The following CDKAL1 variants were observed in gnomAD, a reference collection of about 807,000 sequenced individuals.
CDKAL1 encodes threonylcarbamoyladenosine tRNA methylthiotransferase.
CDKAL1 carries 32 observed loss-of-function variants against 68.2 expected under a neutral mutation model. That is an observed-to-expected ratio of 0.47 (90% CI 0.35 to 0.63). The LOEUF is 0.63. CDKAL1 is among the 30% of genes least tolerant of loss of function. CDKAL1 has a pLI of 0.00. For missense variants in CDKAL1, 606 were observed against 696.7 expected, an observed-to-expected ratio of 0.87 and a Z score of 1.47; for synonymous variants, 234 against 244.3, an observed-to-expected ratio of 0.96 and a Z score of 0.39.
intron 13 of CDKAL1, among the ~76,000 whole-genome samples, chr6:21,131,449 C>T (rs898123328): frequency 5.3e-5 from 8 of 152,254 alleles, no homozygotes; most frequent in Non-Finnish European, 5.9e-5. Flanking sequence ...GCCATTTTGG[C>T]GATCATTCCC....
At chr6:20,576,488 T>A (rs1176829705) in intron 4 of CDKAL1, among the ~76,000 whole-genome samples, 2 of 152,242 alleles carry the variant, frequency 1.3e-5, no homozygotes, top group Non-Finnish European at 2.9e-5. Context: ...TGAAGTATAA[T>A]AAAAATCAAC....
At chr6:21,068,944 C>A (rs1771603950) in intron 12 of CDKAL1, among the ~76,000 whole-genome samples, 1 of 152,070 alleles carries the variant, frequency 6.6e-6, no homozygotes, top group African/African-American at 2.4e-5. Flanking sequence ...TATGTTCCTA[C>A]ATGTGTGTTT....
chr6:20,604,512 C>T (rs1177513954), intron 4 of CDKAL1, among the ~76,000 whole-genome samples: 2 of 152,246 alleles, frequency 1.3e-5, no homozygotes, highest in Non-Finnish European at 2.9e-5. Flanking sequence ...TCTGCCAGCA[C>T]CACCATCTGT....
intron 5 of CDKAL1, among the ~76,000 whole-genome samples, chr6:20,671,404 A>C (rs1205090549): frequency 1.3e-5 from 2 of 152,034 alleles, no homozygotes; most frequent in Admixed American, 6.6e-5. Context: ...TCACAGGCAT[A>C]TTCTCCCCTT....
chr6:21,051,133 A>T (rs1770514980), intron 11 of CDKAL1, among the ~76,000 whole-genome samples: 1 of 152,214 alleles, frequency 6.6e-6, no homozygotes, highest in Non-Finnish European at 1.5e-5. Flanking sequence ...CACTGTCTGG[A>T]TCACTTGAGC....
intron 11 of CDKAL1, among the ~76,000 whole-genome samples, chr6:21,003,234 A>C (rs1767522711): frequency 6.7e-6 from 1 of 148,962 alleles, no homozygotes; most frequent in East Asian, 2.0e-4. Context: ...GACTAGGCAC[A>C]GTGGCTCACA....
chr6:20,968,915 G>A (rs1765457875), intron 10 of CDKAL1, among the ~76,000 whole-genome samples: 1 of 151,858 alleles, frequency 6.6e-6, no homozygotes, highest in Non-Finnish European at 1.5e-5. Flanking sequence ...GGCTTTCTCA[G>A]GGACAGTTTC....
chr6:20,559,266 G>A (rs1312698408), intron 4 of CDKAL1: 1 of 152,034 alleles, frequency 6.6e-6, no homozygotes, highest in African/African-American at 2.4e-5. Context: ...AACATGTATG[G>A]TTGATTAGAA....
At position 20,700,661 on chromosome 6, in the gene CDKAL1, T is replaced by C. The variant is rs184228840; in HGVS notation, c.372-38858T>C. On this transcript the variant is annotated intron_variant, in intron 5 of 15. Coordinates refer to ENST00000274695, the MANE Select transcript of CDKAL1 (RefSeq NM_017774.3). The stretch of plus-strand genomic sequence containing the variant: ...TTGTTTTATGGTATGAAATTCACCT[T>C]CTGCTACAGAAAGATTCTACTGATT... Among the ~76,000 whole-genome samples, 257 of 152,248 alleles carry C rather than the reference T, an allele frequency of 1.7e-3. 1 individual carries two copies. The highest frequency in any genetic ancestry group is 6.0e-3 in the African/African-American group (250 of 41,544).
At chr6:20,860,164 G>A (rs947441646) in intron 9 of CDKAL1, among the ~76,000 whole-genome samples, 1 of 151,960 alleles carries the variant, frequency 6.6e-6, no homozygotes, top group Non-Finnish European at 1.5e-5. Context: ...TGCAACCTTC[G>A]CCTCCCGGGT....
At chr6:20,686,921 C>T (rs1483468603) in intron 5 of CDKAL1, among the ~76,000 whole-genome samples, 1 of 152,068 alleles carries the variant, frequency 6.6e-6, no homozygotes, top group Non-Finnish European at 1.5e-5. Flanking sequence ...GTGTGTCTGT[C>T]AATAGATGCA....
intron 8 of CDKAL1, among the ~76,000 whole-genome samples, chr6:20,829,853 G>A (rs539275807): frequency 5.3e-5 from 8 of 152,260 alleles, no homozygotes; most frequent in Admixed American, 5.2e-4. Context: ...GATTTTTACA[G>A]TAGGTTTGCT....
intron 11 of CDKAL1, among the ~76,000 whole-genome samples, chr6:21,007,804 CAA>C (rs1185724243): frequency 2.6e-5 from 4 of 152,080 alleles, no homozygotes; most frequent in African/African-American, 9.7e-5. Flanking sequence ...GTAATTTGCC[CAA>C]AGTCATGCAG....
chr6:21,166,736 T>C (rs1777170687), intron 13 of CDKAL1, among the ~76,000 whole-genome samples: 1 of 152,184 alleles, frequency 6.6e-6, no homozygotes, highest in African/African-American at 2.4e-5. Flanking sequence ...AAAAAGTATT[T>C]GGATTTTTAA....
chr6:21,114,170 C>T (rs1376983007), intron 13 of CDKAL1, among the ~76,000 whole-genome samples: 1 of 148,848 alleles, frequency 6.7e-6, no homozygotes, highest in Non-Finnish European at 1.5e-5. Context: ...ATGGCGTGAA[C>T]CTGGGAGGCG....
rs931990326 is a variant in CDKAL1 at position 21,043,492 on chromosome 6, T to G, written c.1056-21556T>G. Among the ~76,000 whole-genome samples the G allele has an allele frequency of 4.6e-5, 7 of 152,336 alleles. No individual in the cohort carries two copies. The South Asian group carries it at 1.4e-3, about 32-fold the overall frequency. On this transcript the variant is annotated intron_variant, in intron 11 of 15. Transcript: ENST00000274695. ...CTTAGAGATATTTTGTATGCAACAC[T>G]TGTAAGGATACTCCCAAGACTACTC...
At chr6:20,826,966 G>A (rs1024889996) in intron 8 of CDKAL1, among the ~76,000 whole-genome samples, 4 of 152,050 alleles carry the variant, frequency 2.6e-5, no homozygotes, top group Non-Finnish European at 4.4e-5. Context: ...AATTTCATTA[G>A]TATATCTAAT....
intron 13 of CDKAL1, among the ~76,000 whole-genome samples, chr6:21,145,865 A>C (rs1776141804): frequency 6.6e-6 from 1 of 152,200 alleles, no homozygotes; most frequent in African/African-American, 2.4e-5. Context: ...ACGCCACTGC[A>C]TTCAGCCTGG....
At chr6:21,186,538 T>C (rs1778021768) in intron 13 of CDKAL1, among the ~76,000 whole-genome samples, 1 of 151,336 alleles carries the variant, frequency 6.6e-6, no homozygotes. Context: ...CTTGGTTGCC[T>C]GATTTTCCCT....
Sources: allele counts gnomAD v4.1 joint callset (sites outside exome capture counted in the v4.1 genomes callset), GRCh38; gene constraint gnomAD v4.1.1; transcripts MANE v1.5; gene names NCBI Gene and HGNC (gene_info 2026-07-23, HGNC 2026-07-21).